The following CACNB1 variants were observed in gnomAD, a reference collection of about 807,000 sequenced individuals.
CACNB1 encodes the protein calcium voltage-gated channel auxiliary subunit beta 1.
Under a neutral mutation model 71.6 loss-of-function variants are expected in CACNB1, and 29 were observed. That is an observed-to-expected ratio of 0.40 (90% CI 0.30 to 0.55). The LOEUF (loss-of-function observed/expected upper bound fraction) is 0.55, where lower values mean the gene tolerates loss of function less well. CACNB1 is among the 20% of genes least tolerant of loss of function. The pLI, the probability that CACNB1 is intolerant of heterozygous loss-of-function variation, is 0.38. For synonymous variants in CACNB1, 300 were observed against 319.6 expected (o/e 0.94, Z 0.65); for missense variants, 623 against 801.8 (o/e 0.78, Z 2.69).
In CACNB1 at chr17:39,175,557, A is replaced by G; in HGVS notation, c.1433T>C (p.Leu478Pro). 6.2e-7 allele frequency: 1 copy of G among 1,613,342 alleles called. No individual in the cohort carries two copies. Among genetic ancestry groups the G allele is most frequent in the African/African-American group, 1.3e-5 (1 of 74,956 alleles). The stretch of plus-strand genomic sequence containing the variant: ...GCCTGGTGGGTGGCTGCTGGGGTAA[A>G]GGCCTGGGGGCTGGCCCAGCTCCCC... ...YPGELGQPPGLYPSSHPPGRA... is the reference protein window; with the variant it reads ...YPGELGQPPGPYPSSHPPGRA... Residue 478 changes from leucine to proline, a missense_variant, in exon 14 of 14, where the codon CTT (leucine) becomes CCT (proline). Transcript: ENST00000394303. The surrounding 1 kb of genome is among the most constrained non-coding windows in gnomAD (Gnocchi z 4.7).
At chr17:39,184,195 C>T in intron 9 of CACNB1, 55 bp from the exon 10 acceptor site, 1 of 1,347,590 alleles carries the variant, frequency 7.4e-7, no homozygotes, top group Non-Finnish European at 1.1e-6. Context: ...GAATGCCCTG[C>T]CCACTCCCCA....
intron 3 of CACNB1, among the ~76,000 whole-genome samples, chr17:39,188,350 T>G (rs1014901708): frequency 1.7e-4 from 25 of 149,784 alleles, no homozygotes; most frequent in Non-Finnish European, 3.0e-5. Context: ...CAGAGGCAGG[T>G]GGATTCATGA....
Position 39,186,531 on chromosome 17 carries a change from A to G in CACNB1, c.593T>C (p.Val198Ala), listed in dbSNP as rs1300218858. 1 of 1,613,626 alleles carries G rather than the reference A, an allele frequency of 6.2e-7. No individual in the cohort carries two copies. Among genetic ancestry groups the G allele is most frequent in the East Asian group, 2.2e-5 (1 of 44,868 alleles). ...GGGTGTGGGGCGGCGGGTGCCAGTC[A>G]CCACATCTCCCAGACTGGAACTGGA... ...DNSSSSLGDV[V>A]TGTRRPTPPA... is the part of the protein sequence containing the mutation. Residue 198 changes from valine (V) to alanine (A), a missense_variant, in exon 6 of 14, where the codon GTG (valine) becomes GCG (alanine). Coordinates refer to ENST00000394303, the MANE Select transcript of CACNB1 (RefSeq NM_000723.5). This position sits in a 1 kb window ranked among gnomAD's most constrained non-coding sequence, Gnocchi z 4.1.
At chr17:39,192,590 C>A (rs2046106517) in intron 2 of CACNB1, 1 of 152,640 alleles carries the variant, frequency 6.6e-6, no homozygotes, top group South Asian at 2.1e-4. Flanking sequence ...GGGCAGGAGG[C>A]AAGAGGTGTG....
chr17:39,189,647 C>T (rs980210276), intron 3 of CACNB1, among the ~76,000 whole-genome samples: 18 of 150,988 alleles, frequency 1.2e-4, no homozygotes, highest in African/African-American at 2.9e-4. Flanking sequence ...TACAGGCATG[C>T]GCCATCACAC....
chr17:39,181,138 G>A (rs1276933735), intron 11 of CACNB1, among the ~76,000 whole-genome samples: 2 of 150,874 alleles, frequency 1.3e-5, no homozygotes, highest in Non-Finnish European at 3.0e-5. Flanking sequence ...CTGTCACCCA[G>A]GCTGGAGTGC....
rs199724299 is a variant in CACNB1 at position 39,175,406 on chromosome 17, C to T, written c.1584G>A (p.Glu528=). The change falls in exon 14 of 14, where the codon GAG becomes GAA. Residue 528 remains glutamate (E), a synonymous_variant. Coordinates refer to ENST00000394303, the MANE Select transcript of CACNB1 (RefSeq NM_000723.5). The surrounding 1 kb of genome is among the most constrained non-coding windows in gnomAD (Gnocchi z 4.7). The stretch of plus-strand genomic sequence containing the variant: ...CTGCAGGGTCTCCAAGCCCTGGCCC[C>T]TCTGAGGGGTCAGTCTCCATGTCCA... ...SCVDMETDPS[E]GPGLGDPAGG... 24 of 1,614,244 alleles carry T rather than the reference C, an allele frequency of 1.5e-5. No homozygotes were observed. The highest frequency in any genetic ancestry group is 1.9e-5 in the Non-Finnish European group (23 of 1,180,048).
rs1200295988 is a variant in CACNB1 at position 39,194,300 on chromosome 17, C to T, written c.171+584G>A. ...CCAGAAAGCTATTCTCAGTTACACC[C>T]TTTCAGGCAGGGGTGCTGGGCTATC... On this transcript the variant is annotated intron_variant, in intron 2 of 13. Coordinates refer to ENST00000394303, the MANE Select transcript of CACNB1 (RefSeq NM_000723.5). The surrounding 1 kb of genome is among the most constrained non-coding windows in gnomAD (Gnocchi z 4.6). Among the ~76,000 whole-genome samples the T allele has an allele frequency of 6.6e-6, 1 of 152,152 alleles. No homozygotes were observed. Among genetic ancestry groups the T allele is most frequent in the African/African-American group, 2.4e-5 (1 of 41,414 alleles).
At position 39,173,540 on chromosome 17, in the gene CACNB1, T is replaced by G. The variant is rs2045510659; in HGVS notation, c.*1653A>C. 6.6e-6 allele frequency: 1 copy of G among 152,078 alleles called. No individual in the cohort carries two copies. Among genetic ancestry groups the G allele is most frequent in the South Asian group, 2.1e-4 (1 of 4,818 alleles). The allele number at this position is 152,078 out of a possible 1,614,324, so 9.4% of individuals were successfully genotyped here. On this transcript the variant is annotated 3_prime_UTR_variant, in exon 14 of 14. Transcript: ENST00000394303. Reference sequence around the variant, plus strand: ...GCAACATTGAGCTTCCCATTGCCTTTGGCTCTACTTGTGGAGAGACAGGTA... The same window carrying G: ...GCAACATTGAGCTTCCCATTGCCTTGGGCTCTACTTGTGGAGAGACAGGTA...
intron 11 of CACNB1, among the ~76,000 whole-genome samples, chr17:39,179,280 CA>C (rs35292368): frequency 0.082 from 3,991 of 48,662 alleles, 165 homozygotes; most frequent in African/African-American, 0.26. Flanking sequence ...GACTCCGTCT[CA>C]AAAAAAAAAA....
Position 39,175,798 on chromosome 17 carries a change from G to A in CACNB1, c.1333-141C>T. 1 of 666,732 alleles carries A rather than the reference G, an allele frequency of 1.5e-6. No homozygotes were observed. Among genetic ancestry groups the A allele is most frequent in the Non-Finnish European group, 2.5e-6 (1 of 403,098 alleles). The allele number at this position is 666,732 out of a possible 1,614,324, so 41.3% of individuals were successfully genotyped here. A position where few individuals can be genotyped will look rare whatever the true frequency, so the allele number is the denominator to read the frequency against. ...CTGGCTCTAGAGGAGGGGCCCCGGGGACAAACGGCTCTGGAGCCCAGCCAG... is the reference window on the plus strand; with the variant it reads ...CTGGCTCTAGAGGAGGGGCCCCGGGAACAAACGGCTCTGGAGCCCAGCCAG... On this transcript the variant is annotated intron_variant, in intron 13 of 13. Coordinates refer to ENST00000394303, the MANE Select transcript of CACNB1 (RefSeq NM_000723.5). This position sits in a 1 kb window ranked among gnomAD's most constrained non-coding sequence, Gnocchi z 4.7.
Position 39,184,803 on chromosome 17 carries a change from G to T in CACNB1, c.710C>A (p.Pro237Gln). 1 of 1,611,776 alleles carries T rather than the reference G, an allele frequency of 6.2e-7. No homozygotes were observed. The change falls in exon 8 of 14, where the codon CCG (proline) becomes CAG (glutamine). Residue 237 changes from proline (P) to glutamine (Q), a missense_variant. By Grantham distance (76) the Pro-to-Gln change is moderately conservative (BLOSUM62 -1). Transcript: ENST00000394303. ...TCCTACCTCGTAGCCCTTGAGCGAC[G>T]GTCCCACCAGGATGATGGGCCTCAT... ...PSMRPIILVGPSLKGYEVTDM... is the reference protein window; with the variant it reads ...PSMRPIILVGQSLKGYEVTDM...
Position 39,183,693 on chromosome 17 carries a change from G to T in CACNB1, c.1050+20C>A. ...TTTCAAACCACGCTGTCCTGGCCAG[G>T]GTCAGGCTCCTGCACCCACCTTGGG... On this transcript the variant is annotated intron_variant, in intron 11 of 13. Coordinates refer to ENST00000394303, the MANE Select transcript of CACNB1 (RefSeq NM_000723.5). The T allele has an allele frequency of 1.3e-6, 2 of 1,565,602 alleles. No individual in the cohort carries two copies. The highest frequency in any genetic ancestry group is 2.3e-5 in the East Asian group (1 of 42,944).
chr17:39,188,871 C>CT (rs2046005869), intron 3 of CACNB1, among the ~76,000 whole-genome samples: 1 of 152,042 alleles, frequency 6.6e-6, no homozygotes, highest in Non-Finnish European at 1.5e-5. Flanking sequence ...TGGTGAAACT[C>CT]TGTCTCTACT....
intron 2 of CACNB1, chr17:39,193,081 C>G: frequency 5.2e-6 from 1 of 194,104 alleles, no homozygotes; most frequent in Non-Finnish European, 1.1e-5. Flanking sequence ...CTCACCAACC[C>G]CAACACAAAT....
intron 11 of CACNB1, among the ~76,000 whole-genome samples, chr17:39,180,549 G>A (rs754449937): frequency 4.0e-5 from 6 of 151,524 alleles, no homozygotes; most frequent in Non-Finnish European, 7.4e-5. Flanking sequence ...CAGCTACTTG[G>A]GAGGCTGAGG....
At chr17:39,182,854 T>C (rs2144115665) in intron 11 of CACNB1, 1 of 565,702 alleles carries the variant, frequency 1.8e-6, no homozygotes, top group South Asian at 7.7e-5. Context: ...GGCTAAATAA[T>C]TCCCCCAAGA....
At chr17:39,177,809 G>C (rs1267859224) in intron 12 of CACNB1, among the ~76,000 whole-genome samples, 175 bp downstream of exon 12, 1 of 152,102 alleles carries the variant, frequency 6.6e-6, no homozygotes, top group Non-Finnish European at 1.5e-5. Context: ...GGTGCTTCTG[G>C]GGCTTGAACC....
intron 7 of CACNB1, 73 bp downstream of exon 7, chr17:39,185,058 A>G (rs1415904604): frequency 2.2e-6 from 3 of 1,353,474 alleles, no homozygotes; most frequent in Non-Finnish European, 3.2e-6. Flanking sequence ...CAGATGTGGG[A>G]ATGGGTGTTA....
Sources: gnomAD v4.1 joint callset for allele counts (sites outside exome capture counted in the v4.1 genomes callset) on GRCh38, gnomAD v4.1.1 for gene constraint, Gnocchi (gnomAD v3.1) non-coding constraint, MANE v1.5 for transcripts, NCBI Gene and HGNC (gene_info 2026-07-23, HGNC 2026-07-21) for gene names.